Variants in SYNPR observed in about 807,000 individuals in gnomAD.
SYNPR encodes the protein synaptoporin.
A neutral mutation model predicts 32.9 loss-of-function variants in SYNPR; 23 were observed. The ratio of observed to expected loss-of-function variants is 0.70; its 90% CI spans 0.50 to 0.99. SYNPR has a LOEUF of 0.99. SYNPR is among the 50% of genes least tolerant of loss of function. SYNPR has a pLI of 0.00. For synonymous variants in SYNPR, 146 were observed against 135.9 expected (o/e 1.07, Z -0.52); for missense variants, 318 against 349.3 (o/e 0.91, Z 0.71).
chr3:63,272,827 C>T (rs905654736), intron 3 of SYNPR, among the ~76,000 whole-genome samples: 1 of 152,070 alleles, frequency 6.6e-6, no homozygotes, highest in Non-Finnish European at 1.5e-5. Flanking sequence ...AGATTAAAGC[C>T]TTCTTCCTTG....
chr3:63,569,186 C>G (rs1702844335), intron 4 of SYNPR, among the ~76,000 whole-genome samples: 1 of 152,104 alleles, frequency 6.6e-6, no homozygotes, highest in Admixed American at 6.5e-5. Context: ...TATTGTTGGA[C>G]TTCGAATTTT....
the SYNPR span, among the ~76,000 whole-genome samples, chr3:63,202,721 C>T: frequency 6.6e-6 from 1 of 152,098 alleles, no homozygotes; most frequent in Non-Finnish European, 1.5e-5. Flanking sequence ...CACATTTGAG[C>T]ATTGGAGCTA....
At chr3:63,595,893 TTATATATATAGTTA>T (rs1461948532) in intron 4 of SYNPR, among the ~76,000 whole-genome samples, 1 of 75,614 alleles carries the variant, frequency 1.3e-5, no homozygotes, top group Non-Finnish European at 2.8e-5. Flanking sequence ...ATATATAGTT[TTATATATATAGTTA>T]TATATATATA....
chr3:63,584,295 A>T (rs1703144618), intron 4 of SYNPR, among the ~76,000 whole-genome samples: 1 of 152,142 alleles, frequency 6.6e-6, no homozygotes, highest in African/African-American at 2.4e-5. Context: ...TGTGGAAAGC[A>T]TATGTGGAGT....
intron 2 of SYNPR, among the ~76,000 whole-genome samples, chr3:63,316,177 G>C (rs999624875): frequency 2.6e-5 from 4 of 151,696 alleles, no homozygotes; most frequent in Non-Finnish European, 5.9e-5. Context: ...TTCATCAAGG[G>C]TATCAATCTG....
At chr3:63,258,616 G>T (rs2086409258) in intron 2 of SYNPR, among the ~76,000 whole-genome samples, 1 of 152,234 alleles carries the variant, frequency 6.6e-6, no homozygotes, top group East Asian at 1.9e-4. Flanking sequence ...ACAAGAGAAA[G>T]CAGGAAAGAT....
intron 2 of SYNPR, among the ~76,000 whole-genome samples, chr3:63,449,993 A>G (rs1313476593): frequency 6.6e-6 from 1 of 152,172 alleles, no homozygotes; most frequent in Non-Finnish European, 1.5e-5. Flanking sequence ...TTTTCTACAC[A>G]ATTATACTAT....
intron 4 of SYNPR, among the ~76,000 whole-genome samples, chr3:63,606,108 T>C (rs931452242): frequency 8.5e-5 from 13 of 152,154 alleles, no homozygotes; most frequent in African/African-American, 3.1e-4. Context: ...TACAGAGAGG[T>C]AAACTGAGGC....
intron 4 of SYNPR, among the ~76,000 whole-genome samples, chr3:63,600,910 G>A (rs533166112): frequency 6.6e-6 from 1 of 152,138 alleles, no homozygotes; most frequent in Non-Finnish European, 1.5e-5. Flanking sequence ...AAATACAGAA[G>A]TTCAGGCTTA....
At position 63,556,543 on chromosome 3, in the gene SYNPR, G is replaced by T. The variant is rs746483129; in HGVS notation, c.210G>T (p.Arg70Ser). The change falls in exon 4 of 6, where the codon AGG becomes AGT. Residue 70 changes from arginine to serine, a missense_variant and splice_region_variant. Coordinates refer to ENST00000478300, the MANE Select transcript of SYNPR (RefSeq NM_001130003.2). ...TGTCTCCTTAAATCTGGCAATTTAG[G>T]TTGCACCAGGTGACGTTTGAGGTGC... is the stretch of plus-strand genomic sequence containing the variant. ...SIDIAFAYPFRLHQVTFEVPT... is the reference protein window; with the variant it reads ...SIDIAFAYPFSLHQVTFEVPT... The T allele has an allele frequency of 1.9e-6, 3 of 1,607,124 alleles. No individual in the cohort carries two copies. The highest frequency in any genetic ancestry group is 1.1e-5 in the South Asian group (1 of 90,302).
chr3:63,364,958 G>T (rs2087713999), intron 2 of SYNPR, among the ~76,000 whole-genome samples: 2 of 151,978 alleles, frequency 1.3e-5, no homozygotes, highest in Admixed American at 6.6e-5. Flanking sequence ...TTGAAATAGG[G>T]GCCAAGTTTA....
At chr3:63,551,272 AT>A (rs1450786602) in intron 3 of SYNPR, among the ~76,000 whole-genome samples, 2 of 152,228 alleles carry the variant, frequency 1.3e-5, no homozygotes, top group Non-Finnish European at 2.9e-5. Context: ...GACAAATAAT[AT>A]TCTTTTGTAT....
chr3:63,342,794 G>T (rs1360778381), intron 2 of SYNPR, among the ~76,000 whole-genome samples: 3 of 152,036 alleles, frequency 2.0e-5, no homozygotes, highest in African/African-American at 7.2e-5. Flanking sequence ...TTTCTTTAAT[G>T]GTTACAAGAC....
the SYNPR span, among the ~76,000 whole-genome samples, chr3:63,222,983 G>A: frequency 2.6e-5 from 4 of 152,128 alleles, no homozygotes; most frequent in African/African-American, 9.7e-5. Flanking sequence ...AAAATCTGCT[G>A]TAGATCAGGC....
the SYNPR span, among the ~76,000 whole-genome samples, chr3:63,208,270 A>T: frequency 6.6e-6 from 1 of 152,250 alleles, no homozygotes; most frequent in South Asian, 2.1e-4. Flanking sequence ...CAGTTATTTT[A>T]TGACTGGAGT....
chr3:63,412,820 A>T (rs1433941293), intron 2 of SYNPR, among the ~76,000 whole-genome samples: 2 of 152,156 alleles, frequency 1.3e-5, no homozygotes, highest in Non-Finnish European at 2.9e-5. Flanking sequence ...GAACCTGAAG[A>T]TTACCAGGTA....
intron 3 of SYNPR, among the ~76,000 whole-genome samples, chr3:63,555,826 G>T (rs993415978): frequency 5.3e-5 from 8 of 151,966 alleles, no homozygotes; most frequent in Admixed American, 1.3e-4. Context: ...TGGTCAGTGG[G>T]ACTGAAAAAA....
chr3:63,495,740 G>A (rs1448866024), intron 3 of SYNPR, among the ~76,000 whole-genome samples: 1 of 151,954 alleles, frequency 6.6e-6, no homozygotes, highest in African/African-American at 2.4e-5. Flanking sequence ...AATCCTTTTA[G>A]CAAAACTATG....
chr3:63,456,590 A>G lies in SYNPR; in HGVS notation c.85-24242A>G, dbSNP rs74717214. Among the ~76,000 whole-genome samples the G allele has an allele frequency of 8.4e-3, 1,279 of 152,256 alleles. 57 individuals carry two copies. The East Asian group carries it at 0.13, about 16-fold the overall frequency. Reference sequence around the variant, plus strand: ...CCTCTCATTTTACAAAGAAGGAAACAGAAGACTTGATGGGTTTAGAAATTT... The same window carrying G: ...CCTCTCATTTTACAAAGAAGGAAACGGAAGACTTGATGGGTTTAGAAATTT... On this transcript the variant is annotated intron_variant, in intron 2 of 5. Transcript: ENST00000478300.
Sources: allele counts gnomAD v4.1 joint callset (sites outside exome capture counted in the v4.1 genomes callset), GRCh38; gene constraint gnomAD v4.1.1; transcripts MANE v1.5; gene names NCBI Gene and HGNC (gene_info 2026-07-23, HGNC 2026-07-21).